The following RANBP2 variants were observed in gnomAD, a reference collection of about 807,000 sequenced individuals.
RANBP2 encodes the protein E3 SUMO-protein ligase RanBP2.
RANBP2 carries 57 observed loss-of-function variants against 303.6 expected under a neutral mutation model. That is an observed-to-expected ratio of 0.19 (90% confidence interval 0.15 to 0.23). The LOEUF (loss-of-function observed/expected upper bound fraction) is 0.23, where lower values mean the gene tolerates loss of function less well. Among genes scored for constraint, RANBP2 ranks in the 10% least tolerant of loss-of-function variants. The pLI, the probability that RANBP2 is intolerant of heterozygous loss-of-function variation, is 1.00. For synonymous variants in RANBP2, 1,167 were observed against 1,301.5 expected, an observed-to-expected ratio of 0.90 and a Z score of 2.23; for missense variants, 3,138 against 3,780.8, an observed-to-expected ratio of 0.83 and a Z score of 4.46.
the RANBP2 span, among the ~76,000 whole-genome samples, chr2:109,280,765 G>A: frequency 7.9e-5 from 12 of 152,222 alleles, no homozygotes; most frequent in Non-Finnish European, 1.5e-4. Flanking sequence ...CATGAGCCTC[G>A]AGGGCGCTGC....
At chr2:109,352,294 A>G in the RANBP2 span, among the ~76,000 whole-genome samples, 1 of 152,228 alleles carries the variant, frequency 6.6e-6, no homozygotes, top group Non-Finnish European at 1.5e-5. Context: ...CTCGCAGGAA[A>G]GTAAGCCTCC....
the RANBP2 span, among the ~76,000 whole-genome samples, chr2:109,696,088 C>T: frequency 6.6e-6 from 1 of 152,024 alleles, no homozygotes; most frequent in Non-Finnish European, 1.5e-5. Flanking sequence ...CTCAGCCTCC[C>T]AAGTAGCTGC....
At chr2:109,262,923 C>T in the RANBP2 span, among the ~76,000 whole-genome samples, 2 of 152,108 alleles carry the variant, frequency 1.3e-5, no homozygotes, top group Admixed American at 1.3e-4. Flanking sequence ...ACCTTTGCCT[C>T]CCGGGTTCCA....
At chr2:108,752,394 C>G (rs970961043) in intron 12 of RANBP2, among the ~76,000 whole-genome samples, 1 of 151,850 alleles carries the variant, frequency 6.6e-6, no homozygotes, top group Non-Finnish European at 1.5e-5. Flanking sequence ...ACAGAAGAGG[C>G]AGGTTTCAGC....
chr2:109,711,429 T>G, the RANBP2 span, among the ~76,000 whole-genome samples: 1 of 152,144 alleles, frequency 6.6e-6, no homozygotes, highest in African/African-American at 2.4e-5. Flanking sequence ...CCATAGCTTC[T>G]CTGCACAGCA....
At chr2:109,532,165 T>C in the RANBP2 span, among the ~76,000 whole-genome samples, 1 of 152,226 alleles carries the variant, frequency 6.6e-6, no homozygotes, top group African/African-American at 2.4e-5. Context: ...AGCATGATCT[T>C]GGGACTCAGG....
the RANBP2 span, among the ~76,000 whole-genome samples, chr2:109,519,179 A>G: frequency 6.6e-6 from 1 of 151,996 alleles, no homozygotes; most frequent in African/African-American, 2.4e-5. Flanking sequence ...TCAACCTCCC[A>G]AAGTGCTGGG....
Position 108,753,965 on chromosome 2 carries a change from C to A in RANBP2, c.2196C>A (p.Val732=). The change falls in exon 15 of 29, where the codon GTC becomes GTA. Residue 732 remains valine (V), a synonymous_variant. Transcript: ENST00000283195. ...IDDSDSNLSV[V]KKLPVPLESV... The stretch of plus-strand genomic sequence containing the variant: ...ACAGTGATTCAAATCTTTCAGTGGT[C>A]AAGAAAGTAAGTAGCAGGTTGTTGT... 6.2e-7 allele frequency: 1 copy of A among 1,611,804 alleles called. No homozygotes were observed. Among genetic ancestry groups the A allele is most frequent in the Non-Finnish European group, 8.5e-7 (1 of 1,179,798 alleles).
chr2:109,700,851 T>A, the RANBP2 span, among the ~76,000 whole-genome samples: 1 of 151,842 alleles, frequency 6.6e-6, no homozygotes, highest in Non-Finnish European at 1.5e-5. Flanking sequence ...AGAGGGCTGA[T>A]GTGGTGACTT....
At chr2:108,777,344 C>T in intron 25 of RANBP2, 113 bp downstream of exon 25, 2 of 497,228 alleles carry the variant, frequency 4.0e-6, no homozygotes, top group Non-Finnish European at 6.4e-6. Context: ...CCCTTACCCC[C>T]CAGTTTGTTT....
At chr2:109,592,644 G>A in the RANBP2 span, among the ~76,000 whole-genome samples, 3 of 151,152 alleles carry the variant, frequency 2.0e-5, no homozygotes, top group Admixed American at 2.0e-4. Flanking sequence ...GCCGGACGTG[G>A]TGGTGGTCAC....
the RANBP2 span, among the ~76,000 whole-genome samples, chr2:109,697,358 G>A: frequency 1.3e-5 from 2 of 152,226 alleles, no homozygotes; most frequent in South Asian, 2.1e-4. Flanking sequence ...GGTGGCACAT[G>A]CCTGTAATCC....
chr2:109,156,484 T>C, the RANBP2 span, among the ~76,000 whole-genome samples: 1 of 152,122 alleles, frequency 6.6e-6, no homozygotes. Context: ...TTGCTCTTGT[T>C]GTCCAGGCTG....
the RANBP2 span, among the ~76,000 whole-genome samples, chr2:109,362,783 GTCT>G: frequency 6.6e-6 from 1 of 152,246 alleles, no homozygotes; most frequent in African/African-American, 2.4e-5. Context: ...GGATTATTAT[GTCT>G]TCTTGGGGAA....
the RANBP2 span, among the ~76,000 whole-genome samples, chr2:109,284,230 T>C: frequency 1.3e-5 from 2 of 152,216 alleles, no homozygotes; most frequent in African/African-American, 4.8e-5. Flanking sequence ...GAATTTCTTT[T>C]TGGTGATCTT....
At position 108,771,700 on chromosome 2, in the gene RANBP2, G is replaced by A; in HGVS notation, c.7850-1G>A. The A allele has an allele frequency of 1.1e-5, 17 of 1,611,798 alleles. No homozygotes were observed. The highest frequency in any genetic ancestry group is 1.4e-5 in the Non-Finnish European group (17 of 1,179,808). On this transcript the variant is annotated splice_acceptor_variant, in intron 20 of 28. Transcript: ENST00000283195. LOFTEE classifies it high-confidence loss of function. ...GTCAATTTTTTTGACTGGTGTTACAGCAAAAGAGAAGAAAAAACCTGAAGA... is the reference window on the plus strand; with the variant it reads ...GTCAATTTTTTTGACTGGTGTTACAACAAAAGAGAAGAAAAAACCTGAAGA...
chr2:108,815,678 T>G, the RANBP2 span, among the ~76,000 whole-genome samples: 2 of 151,956 alleles, frequency 1.3e-5, no homozygotes, highest in East Asian at 3.9e-4. Context: ...GACAGGCTGG[T>G]CTCGAACTCC....
At chr2:109,625,807 T>G in the RANBP2 span, among the ~76,000 whole-genome samples, 1 of 152,198 alleles carries the variant, frequency 6.6e-6, no homozygotes, top group Non-Finnish European at 1.5e-5. Context: ...ATACAAAATG[T>G]AAAAACAAAA....
the RANBP2 span, among the ~76,000 whole-genome samples, chr2:109,170,242 CTTTT>C: frequency 3.1e-4 from 3 of 9,788 alleles, no homozygotes; most frequent in East Asian, 3.4e-3. Flanking sequence ...CTCTTCTTTT[CTTTT>C]CTCTTCTCTT....
Sources: allele counts gnomAD v4.1 joint callset (sites outside exome capture counted in the v4.1 genomes callset), GRCh38; gene constraint gnomAD v4.1.1; transcripts MANE v1.5; gene names NCBI Gene and HGNC (gene_info 2026-07-23, HGNC 2026-07-21).